The following CNTN6 variants were observed in gnomAD, a reference collection of about 807,000 sequenced individuals.
The protein encoded by CNTN6 is contactin 6.
CNTN6 carries 137 observed loss-of-function variants against 122.8 expected under a neutral mutation model. The observed-to-expected ratio is 1.12, with a 90% CI of 0.97 to 1.29. CNTN6 has a LOEUF of 1.29. Among genes scored for constraint, CNTN6 ranks in the 50% most tolerant of loss-of-function variants. The pLI is 0.00. For synonymous variants in CNTN6, 570 were observed against 426.0 expected, an observed-to-expected ratio of 1.34 and a Z score of -4.16; for missense variants, 1,634 against 1,223.4, an observed-to-expected ratio of 1.34 and a Z score of -5.01.
intron 12 of CNTN6, 44 bp downstream of exon 12, chr3:1,352,495 T>C (rs878928437): frequency 1.9e-6 from 3 of 1,603,628 alleles, no homozygotes; most frequent in South Asian, 2.2e-5. Flanking sequence ...ATTGTAAATA[T>C]GCAGGCATAT....
intron 2 of CNTN6, among the ~76,000 whole-genome samples, chr3:1,175,726 GT>G (rs1478025499): frequency 6.6e-6 from 1 of 152,206 alleles, no homozygotes; most frequent in Non-Finnish European, 1.5e-5. Context: ...TATTGTGAGA[GT>G]GGAAAGAATG....
chr3:1,273,147 G>A (rs1206967529), intron 4 of CNTN6, among the ~76,000 whole-genome samples: 2 of 152,144 alleles, frequency 1.3e-5, no homozygotes, highest in African/African-American at 2.4e-5. Context: ...CATCAGAATG[G>A]CTTAATGAGA....
In CNTN6 at chr3:1,329,903, A is replaced by T. The variant is rs1575728589; in HGVS notation, c.1332A>T (p.Lys444Asn). 6.2e-7 allele frequency: 1 copy of T among 1,609,972 alleles called. No homozygotes were observed. Among genetic ancestry groups the T allele is most frequent in the East Asian group, 2.2e-5 (1 of 44,634 alleles). ...TTCCCAGGGCAGCTATCTCTTGGAA[A>T]AGAGGAACGGAGACCCTTAGACAAA... ...NAFPRAAISW[K>N]RGTETLRQSK... Residue 444 changes from lysine (K) to asparagine (N), a missense_variant, in exon 11 of 23, where the codon AAA becomes AAT. Transcript: ENST00000446702.
chr3:1,172,842 GA>G (rs1250605145), intron 2 of CNTN6, among the ~76,000 whole-genome samples: 1 of 152,124 alleles, frequency 6.6e-6, no homozygotes, highest in Non-Finnish European at 1.5e-5. Context: ...GTCTCTTTTT[GA>G]AAATGATTTA....
chr3:1,392,348 C>T (rs9829090), intron 20 of CNTN6, among the ~76,000 whole-genome samples: 1 of 151,158 alleles, frequency 6.6e-6, no homozygotes, highest in African/African-American at 2.4e-5. Flanking sequence ...AAACTGGCTA[C>T]CCATATGTAG....
At chr3:1,115,437 A>T (rs1433011144) in intron 1 of CNTN6, among the ~76,000 whole-genome samples, 1 of 152,196 alleles carries the variant, frequency 6.6e-6, no homozygotes, top group African/African-American at 2.4e-5. Flanking sequence ...TTTTTCAATC[A>T]TAAAAGGGAA....
At chr3:1,217,061 T>C (rs2094139755) in intron 2 of CNTN6, among the ~76,000 whole-genome samples, 1 of 152,246 alleles carries the variant, frequency 6.6e-6, no homozygotes, top group Non-Finnish European at 1.5e-5. Context: ...ATAAACAATA[T>C]ATTATTAAAT....
chr3:1,390,672 TAAAGAA>T (rs1345391048), intron 20 of CNTN6, among the ~76,000 whole-genome samples: 1 of 151,448 alleles, frequency 6.6e-6, no homozygotes, highest in African/African-American at 2.4e-5. Flanking sequence ...GCAAGACTAA[TAAAGAA>T]AAAGAGAAGA....
intron 7 of CNTN6, among the ~76,000 whole-genome samples, chr3:1,299,867 T>C (rs1478522372): frequency 6.6e-6 from 1 of 152,238 alleles, no homozygotes; most frequent in African/African-American, 2.4e-5. Context: ...TGATTCCACC[T>C]TGTATGTTTG....
chr3:1,221,329 C>A (rs116657344), intron 3 of CNTN6, among the ~76,000 whole-genome samples: 2,524 of 152,238 alleles, frequency 0.017, 84 homozygotes, highest in African/African-American at 0.058. Context: ...CATTTCCCAC[C>A]CCTGCCTCAA....
chr3:1,145,023 G>T (rs2092695099), intron 1 of CNTN6, among the ~76,000 whole-genome samples: 1 of 152,136 alleles, frequency 6.6e-6, no homozygotes, highest in Non-Finnish European at 1.5e-5. Flanking sequence ...GAGATTTGGA[G>T]ATCTGTGGTA....
chr3:1,268,606 CAAAAAA>C (rs71690299), intron 4 of CNTN6, among the ~76,000 whole-genome samples: 4 of 99,526 alleles, frequency 4.0e-5, no homozygotes, highest in Admixed American at 1.0e-4. Context: ...GACTCCGTCT[CAAAAAA>C]AAAAAAAAAA....
At chr3:1,368,041 A>G (rs958033573) in intron 12 of CNTN6, among the ~76,000 whole-genome samples, 1 of 152,242 alleles carries the variant, frequency 6.6e-6, no homozygotes, top group Non-Finnish European at 1.5e-5. Context: ...AGGCATACAC[A>G]TGGACATTGC....
intron 7 of CNTN6, among the ~76,000 whole-genome samples, chr3:1,320,978 G>A (rs954983872): frequency 3.3e-5 from 5 of 151,502 alleles, no homozygotes; most frequent in African/African-American, 1.2e-4. Flanking sequence ...GACAGGCTGC[G>A]GTGTAAATCC....
chr3:1,339,577 G>C (rs1280962891), intron 11 of CNTN6, among the ~76,000 whole-genome samples: 2 of 152,092 alleles, frequency 1.3e-5, no homozygotes, highest in African/African-American at 4.8e-5. Flanking sequence ...GTTTCAACAG[G>C]TTGCAGGTAA....
intron 4 of CNTN6, among the ~76,000 whole-genome samples, chr3:1,236,036 C>T (rs1270952757): frequency 6.6e-6 from 1 of 152,102 alleles, no homozygotes; most frequent in African/African-American, 2.4e-5. Context: ...ACTGTACCCC[C>T]ATCCCTCACA....
In CNTN6 at chr3:1,372,675, AG is replaced by A. The variant is rs1376104887; in HGVS notation, c.1669-158del. Among the ~76,000 whole-genome samples the A allele has an allele frequency of 2.6e-5, 4 of 152,246 alleles. No individual in the cohort carries two copies. In the East Asian group the frequency reaches 7.7e-4, roughly 29 times the overall value. ...TTGTTTTCTAGATGTAATTATAATA[AG>A]GGGGATAATAAAAGGGTTTAGATAC... is the stretch of plus-strand genomic sequence containing the variant. On this transcript the variant is annotated intron_variant, in intron 13 of 22. Coordinates refer to ENST00000446702, the MANE Select transcript of CNTN6 (RefSeq NM_001289080.2).
chr3:1,143,541 A>G (rs1260921270), intron 1 of CNTN6, among the ~76,000 whole-genome samples: 2 of 152,172 alleles, frequency 1.3e-5, no homozygotes, highest in Non-Finnish European at 2.9e-5. Context: ...TTTGCATGTC[A>G]GTGACTAGCA....
intron 7 of CNTN6, among the ~76,000 whole-genome samples, chr3:1,314,090 C>T (rs902946038): frequency 6.6e-6 from 1 of 152,062 alleles, no homozygotes; most frequent in Non-Finnish European, 1.5e-5. Context: ...ATCATGACTC[C>T]ATTTACACCA....
Sources: allele counts gnomAD v4.1 joint callset (sites outside exome capture counted in the v4.1 genomes callset), GRCh38; gene constraint gnomAD v4.1.1; transcripts MANE v1.5; gene names NCBI Gene and HGNC (gene_info 2026-07-23, HGNC 2026-07-21).